Variants in AUTS2 observed in about 807,000 individuals in gnomAD.
AUTS2 encodes activator of transcription and developmental regulator AUTS2.
Under a neutral mutation model 112.4 loss-of-function variants are expected in AUTS2, and 17 were observed. The observed-to-expected ratio is 0.15, with a 90% confidence interval of 0.10 to 0.23. The LOEUF (loss-of-function observed/expected upper bound fraction) is 0.23. Ranked by LOEUF, AUTS2 falls within the 10% of genes least tolerant of loss-of-function variation. The probability of loss-of-function intolerance (pLI) is 1.00; values close to 1 mark genes in which losing one functional copy is unlikely to be tolerated. For missense variants in AUTS2, 1,510 were observed against 1,701.6 expected (o/e 0.89, Z 1.98); for synonymous variants, 751 against 702.7 (o/e 1.07, Z -1.09).
intron 4 of AUTS2, among the ~76,000 whole-genome samples, chr7:70,271,895 C>T (rs1344528317): frequency 6.6e-6 from 1 of 152,176 alleles, no homozygotes; most frequent in Non-Finnish European, 1.5e-5. Context: ...GAGTTAGACT[C>T]CCCAGGTTCA....
intron 1 of AUTS2, among the ~76,000 whole-genome samples, chr7:69,730,019 T>TTTTTA (rs10684332): frequency 1.5e-5 from 2 of 132,098 alleles, no homozygotes; most frequent in African/African-American, 6.2e-5. Context: ...TTTTTTTTTT[T>TTTTTA]AGAAACTAGG....
At chr7:70,046,022 A>G (rs764395437) in intron 2 of AUTS2, among the ~76,000 whole-genome samples, 1 of 152,174 alleles carries the variant, frequency 6.6e-6, no homozygotes, top group Non-Finnish European at 1.5e-5. Flanking sequence ...CTTCAAAGTT[A>G]TACGTTTAAA....
At chr7:70,354,120 A>C (rs540803545) in intron 4 of AUTS2, among the ~76,000 whole-genome samples, 1 of 152,350 alleles carries the variant, frequency 6.6e-6, no homozygotes, top group Admixed American at 6.5e-5. Flanking sequence ...AGCAGATTTA[A>C]GTTTCTCACT....
At chr7:69,628,854 A>G (rs969993019) in intron 1 of AUTS2, among the ~76,000 whole-genome samples, 1 of 152,292 alleles carries the variant, frequency 6.6e-6, no homozygotes, top group Middle Eastern at 3.4e-3. Flanking sequence ...GACCCAAACT[A>G]TATCTTATTA....
intron 1 of AUTS2, among the ~76,000 whole-genome samples, chr7:69,852,359 A>AT (rs961261034): frequency 4.4e-4 from 66 of 149,206 alleles, no homozygotes; most frequent in African/African-American, 9.8e-4. Flanking sequence ...GTAGTATGTG[A>AT]TTTTTTTTTT....
chr7:69,781,048 AG>A (rs1234732471), intron 1 of AUTS2, among the ~76,000 whole-genome samples: 1 of 152,226 alleles, frequency 6.6e-6, no homozygotes, highest in Non-Finnish European at 1.5e-5. Context: ...GAGATCTAGC[AG>A]GGTTAAAAAA....
chr7:70,764,872 A>AC lies in AUTS2; in HGVS notation c.1338dup (p.Thr447HisfsTer63). The stretch of plus-strand genomic sequence containing the variant: ...ACCACAGCCCCCTGCACAGCTTCAC[A>AC]CCCACCCTCCAGCCCCCCGCACACT... On this transcript the variant is annotated frameshift_variant, in exon 8 of 19. Coordinates refer to ENST00000342771, the MANE Select transcript of AUTS2 (RefSeq NM_015570.4). LOFTEE classifies it high-confidence loss of function. 3.1e-6 allele frequency: 4 copies of AC among 1,280,474 alleles called. No homozygotes were observed. The highest frequency in any genetic ancestry group is 4.8e-5 in the Admixed American group (2 of 41,762). The allele number at this position is 1,280,474 out of a possible 1,614,324, so 79.3% of individuals were successfully genotyped here. A position where few individuals can be genotyped will look rare whatever the true frequency, so the allele number is the denominator to read the frequency against.
intron 5 of AUTS2, among the ~76,000 whole-genome samples, chr7:70,586,167 T>A (rs1350820814): frequency 6.6e-6 from 1 of 152,070 alleles, no homozygotes; most frequent in African/African-American, 2.4e-5. Flanking sequence ...CCAGCCGAAA[T>A]AAAGTTTTAA....
chr7:70,225,407 T>C (rs1379121438), intron 4 of AUTS2, among the ~76,000 whole-genome samples: 1 of 152,194 alleles, frequency 6.6e-6, no homozygotes, highest in Non-Finnish European at 1.5e-5. Context: ...CTTTAATTTC[T>C]CTTATAGCAT....
chr7:69,605,266 CG>C (rs1387950850), intron 1 of AUTS2, among the ~76,000 whole-genome samples: 1 of 152,090 alleles, frequency 6.6e-6, no homozygotes, highest in Non-Finnish European at 1.5e-5. Context: ...AGCTTGTAGT[CG>C]GTGCGTGGGA....
chr7:70,133,783 AT>A (rs1806399157), intron 3 of AUTS2, among the ~76,000 whole-genome samples: 1 of 152,152 alleles, frequency 6.6e-6, no homozygotes, highest in Non-Finnish European at 1.5e-5. Flanking sequence ...TTTAAAATAC[AT>A]TTTTTGGGGG....
intron 5 of AUTS2, among the ~76,000 whole-genome samples, chr7:70,544,772 C>G (rs906519148): frequency 6.6e-6 from 1 of 152,098 alleles, no homozygotes; most frequent in Non-Finnish European, 1.5e-5. Flanking sequence ...AGCAGGTTTC[C>G]CTTGAGATCT....
At chr7:70,136,132 T>C (rs1806549908) in intron 4 of AUTS2, among the ~76,000 whole-genome samples, 1 of 152,216 alleles carries the variant, frequency 6.6e-6, no homozygotes, top group African/African-American at 2.4e-5. Context: ...ATGGTTATTT[T>C]TATTCTCTAA....
chr7:70,649,500 T>TTTTATTTTA (rs1554451098), intron 5 of AUTS2, among the ~76,000 whole-genome samples: 47 of 143,870 alleles, frequency 3.3e-4, no homozygotes, highest in African/African-American at 1.2e-3. Flanking sequence ...TGGTGATTTA[T>TTTTATTTTA]TTTATTTATT....
intron 2 of AUTS2, among the ~76,000 whole-genome samples, chr7:70,074,937 C>G (rs1802956759): frequency 6.6e-6 from 1 of 152,162 alleles, no homozygotes; most frequent in Admixed American, 6.5e-5. Context: ...TTTACCTCCT[C>G]TTTTGAGCTC....
At chr7:69,722,454 G>A (rs1799009765) in intron 1 of AUTS2, among the ~76,000 whole-genome samples, 1 of 149,524 alleles carries the variant, frequency 6.7e-6, no homozygotes, top group African/African-American at 2.5e-5. Context: ...TGAGCTCACT[G>A]CAACCTCCGC....
chr7:69,723,013 G>A (rs185410803), intron 1 of AUTS2, among the ~76,000 whole-genome samples: 45 of 152,136 alleles, frequency 3.0e-4, no homozygotes, highest in South Asian at 2.5e-3. Flanking sequence ...GTTGGTGAGC[G>A]CTACCATAGA....
intron 2 of AUTS2, among the ~76,000 whole-genome samples, chr7:70,103,325 T>G (rs1411968312): frequency 6.6e-6 from 1 of 152,180 alleles, no homozygotes; most frequent in Non-Finnish European, 1.5e-5. Context: ...AGCCTCCACT[T>G]ACTTAACTCT....
chr7:70,764,884 GC>G lies in AUTS2; in HGVS notation c.1353del (p.Ala452HisfsTer21). 9.5e-7 allele frequency: 1 copy of G among 1,056,742 alleles called. No individual in the cohort carries two copies. The highest frequency in any genetic ancestry group is 1.2e-6 in the Non-Finnish European group (1 of 823,070). The allele number at this position is 1,056,742 out of a possible 1,614,324, so 65.5% of individuals were successfully genotyped here. A position where few individuals can be genotyped will look rare whatever the true frequency, so the allele number is the denominator to read the frequency against. On this transcript the variant is annotated frameshift_variant, in exon 8 of 19. Transcript: ENST00000342771. LOFTEE classifies it high-confidence loss of function. Reference protein sequence around the residue: ...PLHSFTPTLQPPAHSHHPNMF... With the variant: ...PLHSFTPTLQXPAHSHHPNMF... ...TGCACAGCTTCACACCCACCCTCCAGCCCCCCGCACACTCACATCACCCCAA... is the reference window on the plus strand; with the variant it reads ...TGCACAGCTTCACACCCACCCTCCAGCCCCCGCACACTCACATCACCCCAA...
Sources: gnomAD v4.1 joint callset for allele counts (sites outside exome capture counted in the v4.1 genomes callset) on GRCh38, gnomAD v4.1.1 for gene constraint, MANE v1.5 for transcripts, NCBI Gene and HGNC (gene_info 2026-07-23, HGNC 2026-07-21) for gene names.